TMEM39B: variants seen among roughly 807,000 people sequenced by gnomAD.
TMEM39B encodes the protein transmembrane protein 39B.
A neutral mutation model predicts 52.2 loss-of-function variants in TMEM39B; 23 were observed. That is an observed-to-expected ratio of 0.44 (90% CI 0.32 to 0.62). The LOEUF is 0.62. TMEM39B is among the 20% of genes least tolerant of loss of function. The probability of loss-of-function intolerance (pLI) is 0.06; values close to 1 mark genes in which losing one functional copy is unlikely to be tolerated. For missense variants in TMEM39B, 547 were observed against 642.0 expected, an observed-to-expected ratio of 0.85 and a Z score of 1.60; for synonymous variants, 285 against 264.0, an observed-to-expected ratio of 1.08 and a Z score of -0.77.
chr1:32,076,648 T>C, intron 3 of TMEM39B, 115 bp from the exon 4 acceptor site: 1 of 1,067,044 alleles, frequency 9.4e-7, no homozygotes, highest in Non-Finnish European at 1.4e-6. Context: ...CCGATGAAGG[T>C]CAGAGAATGA....
chr1:32,072,621 G>A (rs1030768896), upstream of TMEM39B, among the ~76,000 whole-genome samples: 11 of 152,238 alleles, frequency 7.2e-5, no homozygotes, highest in African/African-American at 2.7e-4. Context: ...GTGGGGCTGG[G>A]CTGGAGGTGC....
intron 6 of TMEM39B, 105 bp from the exon 7 acceptor site, chr1:32,094,679 C>A: frequency 8.0e-7 from 1 of 1,249,568 alleles, no homozygotes; most frequent in Non-Finnish European, 1.1e-6. Flanking sequence ...ATTCTGAGGT[C>A]TCCCCAGGAC....
intron 5 of TMEM39B, 24 bp from the exon 6 acceptor site, chr1:32,091,651 C>CTTCACCACCGT (rs1640607412): frequency 1.2e-5 from 18 of 1,564,292 alleles, no homozygotes; most frequent in African/African-American, 2.7e-5. Flanking sequence ...GCAGGCCTTC[C>CTTCACCACCGT]CTCACCACCG....
intron 6 of TMEM39B, among the ~76,000 whole-genome samples, chr1:32,092,438 G>A (rs756383535): frequency 3.0e-4 from 45 of 152,018 alleles, no homozygotes; most frequent in Admixed American, 8.5e-4. Context: ...GATTACAAGC[G>A]TGAGCCACTA....
At chr1:32,073,987 G>A in intron 1 of TMEM39B, 2 of 731,016 alleles carry the variant, frequency 2.7e-6, no homozygotes, top group Non-Finnish European at 3.3e-6. Context: ...GGTCTCAAGC[G>A]ATCCTCCCGC....
At chr1:32,075,991 C>T in intron 3 of TMEM39B, 169 bp downstream of exon 3, 1 of 534,108 alleles carries the variant, frequency 1.9e-6, no homozygotes, top group Non-Finnish European at 3.3e-6. Context: ...TGATGATTCA[C>T]TGAATACTCC....
At chr1:32,072,619 G>T (rs999654420), upstream of TMEM39B, among the ~76,000 whole-genome samples, 2 of 152,234 alleles carry the variant, frequency 1.3e-5, no homozygotes, top group African/African-American at 2.4e-5. Context: ...ACGTGGGGCT[G>T]GGCTGGAGGT....
intron 7 of TMEM39B, among the ~76,000 whole-genome samples, chr1:32,096,927 C>T (rs952984313): frequency 7.9e-5 from 12 of 152,082 alleles, no homozygotes; most frequent in African/African-American, 2.9e-4. Flanking sequence ...ACCTCAGCTC[C>T]CAAGTCGCTG....
intron 5 of TMEM39B, among the ~76,000 whole-genome samples, chr1:32,078,750 C>T (rs1242544147): frequency 2.0e-5 from 3 of 151,176 alleles, no homozygotes; most frequent in Admixed American, 2.0e-4. Flanking sequence ...AAGCAATTTT[C>T]CTGCCTCAGC....
At chr1:32,090,256 A>G (rs370843248) in intron 5 of TMEM39B, among the ~76,000 whole-genome samples, 7 of 152,094 alleles carry the variant, frequency 4.6e-5, no homozygotes, top group African/African-American at 1.7e-4. Flanking sequence ...CGCATACAAT[A>G]GCAGCCACAC....
At chr1:32,099,472 AAAT>A in intron 7 of TMEM39B, among the ~76,000 whole-genome samples, 1 of 152,272 alleles carries the variant, frequency 6.6e-6, no homozygotes, top group Non-Finnish European at 1.5e-5. Flanking sequence ...TTTTTTAAAA[AAAT>A]AAAAGGATGT....
chr1:32,090,429 A>G (rs961598427), intron 5 of TMEM39B, among the ~76,000 whole-genome samples: 1 of 151,406 alleles, frequency 6.6e-6, no homozygotes, highest in Non-Finnish European at 1.5e-5. Flanking sequence ...ACCCATAACA[A>G]CTCATTACTT....
Position 32,075,086 on chromosome 1 carries a change from CCT to C in TMEM39B, c.131+14_131+15del. ...GTTCGTTCCCGCACCAGGTAAACCA[CCT>C]CTCTGTCTCACCCCTCACTGTGGCC... On this transcript the variant is annotated intron_variant, in intron 2 of 8. Coordinates refer to ENST00000336294, the MANE Select transcript of TMEM39B (RefSeq NM_018056.4). The C allele has an allele frequency of 6.5e-7, 1 of 1,547,434 alleles. No homozygotes were observed. The highest frequency in any genetic ancestry group is 8.7e-7 in the Non-Finnish European group (1 of 1,144,532).
chr1:32,073,354 G>C (rs1250193790), intron 1 of TMEM39B: 1 of 461,764 alleles, frequency 2.2e-6, no homozygotes, highest in Non-Finnish European at 3.5e-6. Flanking sequence ...CGTGGCTTCA[G>C]CGCTAAGGGT....
chr1:32,102,573 A>G lies in TMEM39B; in HGVS notation c.1379A>G (p.Tyr460Cys). The change falls in exon 9 of 9, where the codon TAC becomes TGC. Residue 460 changes from tyrosine (Y) to cysteine (C), a missense_variant. Transcript: ENST00000336294. ...CTGGCCCTCATCCTCTTCAGCAACT[A>G]CTATGCCTTCTTCAAGCTGCTCCGG... ...ISLALILFSN[Y>C]YAFFKLLRDR... 1.9e-6 allele frequency: 3 copies of G among 1,613,926 alleles called. No individual in the cohort carries two copies. Among genetic ancestry groups the G allele is most frequent in the Non-Finnish European group, 2.5e-6 (3 of 1,179,992 alleles).
intron 2 of TMEM39B, 62 bp downstream of exon 2, chr1:32,075,139 C>G (rs1486009387): frequency 7.4e-6 from 11 of 1,491,610 alleles, no homozygotes; most frequent in Non-Finnish European, 9.0e-6. Flanking sequence ...GGACAGGGCT[C>G]TCTCTGACTG....
At chr1:32,092,054 T>C in intron 6 of TMEM39B, 43 bp downstream of exon 6, 1 of 1,555,764 alleles carries the variant, frequency 6.4e-7, no homozygotes, top group South Asian at 1.2e-5. Context: ...TAGCTGGGAC[T>C]TTACCCTGCT....
chr1:32,072,213 A>AG (rs1250835445), upstream of TMEM39B: 1 of 152,236 alleles, frequency 6.6e-6, no homozygotes, highest in East Asian at 1.9e-4. Flanking sequence ...AACTGCTTGT[A>AG]GGTCTTGTGA....
At position 32,102,541 on chromosome 1, in the gene TMEM39B, C is replaced by G. The variant is rs1641056671; in HGVS notation, c.1347C>G (p.Thr449=). ...SLMSSEKWHQ[T]ISLALILFSN... ...TGTCCTCTGAAAAGTGGCACCAGAC[C>G]ATCTCGCTGGCCCTCATCCTCTTCA... is the stretch of plus-strand genomic sequence containing the variant. Residue 449 remains threonine (T), a synonymous_variant, in exon 9 of 9, where the codon ACC becomes ACG. Transcript: ENST00000336294. 2 of 1,614,080 alleles carry G rather than the reference C, an allele frequency of 1.2e-6. No individual in the cohort carries two copies. The highest frequency in any genetic ancestry group is 1.7e-6 in the Non-Finnish European group (2 of 1,180,036).
Sources: gnomAD v4.1 joint callset for allele counts (sites outside exome capture counted in the v4.1 genomes callset) on GRCh38, gnomAD v4.1.1 for gene constraint, MANE v1.5 for transcripts, NCBI Gene and HGNC (gene_info 2026-07-23, HGNC 2026-07-21) for gene names.